The following MTCH2 variants were observed in gnomAD, a reference collection of about 807,000 sequenced individuals.
MTCH2 encodes mitochondrial carrier homolog 2.
MTCH2 carries 25 observed loss-of-function variants against 50.6 expected under a neutral mutation model. That is an observed-to-expected ratio of 0.49 (90% CI 0.36 to 0.69). The LOEUF (loss-of-function observed/expected upper bound fraction) is 0.69. MTCH2 is among the 30% of genes least tolerant of loss of function. MTCH2 has a pLI of 0.00. For missense variants in MTCH2, 273 were observed against 384.4 expected, an observed-to-expected ratio of 0.71 and a Z score of 2.42; for synonymous variants, 106 against 132.0, an observed-to-expected ratio of 0.80 and a Z score of 1.35.
At chr11:47,639,106 G>A (rs1598856510) in intron 1 of MTCH2, 55 bp from the exon 2 acceptor site, 2 of 1,464,348 alleles carry the variant, frequency 1.4e-6, no homozygotes, top group East Asian at 4.5e-5. Context: ...GAAATGTCTT[G>A]CTTGCAAGGT....
intron 5 of MTCH2, among the ~76,000 whole-genome samples, chr11:47,633,301 G>A (rs1461529017): frequency 4.8e-4 from 70 of 147,216 alleles, no homozygotes; most frequent in African/African-American, 1.7e-3. Flanking sequence ...TCGTAGAGAC[G>A]GGGTTTCACC....
At chr11:47,624,453 T>C (rs1282313266) in intron 11 of MTCH2, among the ~76,000 whole-genome samples, 1 of 152,200 alleles carries the variant, frequency 6.6e-6, no homozygotes, top group Non-Finnish European at 1.5e-5. Flanking sequence ...TGGATTGTCA[T>C]TTAATCCCTG....
downstream of MTCH2, among the ~76,000 whole-genome samples, chr11:47,613,331 G>C (rs2097286616): frequency 6.6e-6 from 1 of 152,062 alleles, no homozygotes; most frequent in Non-Finnish European, 1.5e-5. Context: ...CTGAAAAGGA[G>C]GTAAGACAAA....
intron 1 of MTCH2, among the ~76,000 whole-genome samples, chr11:47,640,946 G>A (rs935244797): frequency 6.6e-6 from 1 of 152,046 alleles, no homozygotes; most frequent in Non-Finnish European, 1.5e-5. Flanking sequence ...GCCCAGGCTG[G>A]AGTACAATGG....
the MTCH2 span, among the ~76,000 whole-genome samples, chr11:47,605,076 G>T: frequency 6.6e-6 from 1 of 151,960 alleles, no homozygotes; most frequent in Non-Finnish European, 1.5e-5. Flanking sequence ...GACTACAGGC[G>T]CCTGCCACCA....
chr11:47,619,311 A>G (rs189613186), intron 12 of MTCH2, among the ~76,000 whole-genome samples: 43 of 152,196 alleles, frequency 2.8e-4, no homozygotes, highest in African/African-American at 9.9e-4. Context: ...ATCTCGGCTC[A>G]CTGCAACCTC....
chr11:47,628,282 T>A (rs2097299869), intron 9 of MTCH2, among the ~76,000 whole-genome samples: 1 of 152,152 alleles, frequency 6.6e-6, no homozygotes, highest in Admixed American at 6.6e-5. Flanking sequence ...AAGTCCAGAT[T>A]AGATGAAAAG....
At chr11:47,634,837 A>G in intron 4 of MTCH2, 103 bp from the exon 5 acceptor site, 1 of 714,884 alleles carries the variant, frequency 1.4e-6, no homozygotes, top group Non-Finnish European at 2.2e-6. Context: ...CAGTGGCACA[A>G]TCTCGGCTCA....
At chr11:47,620,031 C>A (rs537915317) in intron 12 of MTCH2, among the ~76,000 whole-genome samples, 1 of 151,938 alleles carries the variant, frequency 6.6e-6, no homozygotes, top group Non-Finnish European at 1.5e-5. Flanking sequence ...GAGCCAAGAT[C>A]GTGCTATTGC....
chr11:47,610,494 C>A, the MTCH2 span, among the ~76,000 whole-genome samples: 3 of 152,064 alleles, frequency 2.0e-5, no homozygotes. Context: ...CACCTGAGGT[C>A]AGGAGTTTGA....
At chr11:47,605,896 A>G in the MTCH2 span, among the ~76,000 whole-genome samples, 1 of 152,224 alleles carries the variant, frequency 6.6e-6, no homozygotes, top group Non-Finnish European at 1.5e-5. Context: ...TTCTTTGTGA[A>G]GATACCACTT....
At chr11:47,610,672 T>A in the MTCH2 span, among the ~76,000 whole-genome samples, 19 of 152,208 alleles carry the variant, frequency 1.2e-4, no homozygotes, top group Middle Eastern at 6.8e-3. Context: ...GCCACTTCAC[T>A]CCAGCCTGGG....
At chr11:47,641,391 A>G (rs143882875) in intron 1 of MTCH2, among the ~76,000 whole-genome samples, 2 of 152,320 alleles carry the variant, frequency 1.3e-5, no homozygotes, top group African/African-American at 4.8e-5. Flanking sequence ...TGGATTCCCA[A>G]CAACTCAAGA....
chr11:47,636,855 C>T (rs1413404402), intron 3 of MTCH2, among the ~76,000 whole-genome samples: 3 of 152,018 alleles, frequency 2.0e-5, no homozygotes, highest in Non-Finnish European at 4.4e-5. Context: ...AATTCAAGAC[C>T]AGACTGGGCA....
chr11:47,610,379 AAT>A, the MTCH2 span, among the ~76,000 whole-genome samples: 1 of 152,108 alleles, frequency 6.6e-6, no homozygotes, highest in Non-Finnish European at 1.5e-5. Context: ...TCACATACCA[AAT>A]ATTTACTCTA....
At chr11:47,636,435 G>C (rs1265992911) in intron 3 of MTCH2, among the ~76,000 whole-genome samples, 2 of 144,082 alleles carry the variant, frequency 1.4e-5, no homozygotes, top group African/African-American at 2.6e-5. Context: ...CTCCATCTCA[G>C]AAAAAAAGAA....
chr11:47,609,723 T>C, the MTCH2 span, among the ~76,000 whole-genome samples: 1 of 151,794 alleles, frequency 6.6e-6, no homozygotes, highest in Admixed American at 6.6e-5. Flanking sequence ...CAGAAGCCTG[T>C]GTAGGTAGAG....
the MTCH2 span, among the ~76,000 whole-genome samples, chr11:47,607,051 T>C: frequency 6.6e-6 from 1 of 152,210 alleles, no homozygotes; most frequent in African/African-American, 2.4e-5. Context: ...GGCAGTGTGC[T>C]GTGGTGTAAA....
At chr11:47,606,063 G>A in the MTCH2 span, among the ~76,000 whole-genome samples, 5 of 152,008 alleles carry the variant, frequency 3.3e-5, no homozygotes, top group Admixed American at 6.6e-5. Flanking sequence ...TGTCCTTTTC[G>A]CCGCAGCTTT....
Sources: allele counts gnomAD v4.1 joint callset (sites outside exome capture counted in the v4.1 genomes callset), GRCh38; gene constraint gnomAD v4.1.1; transcripts MANE v1.5; gene names NCBI Gene and HGNC (gene_info 2026-07-23, HGNC 2026-07-21).